CCNB1: variants seen among roughly 807,000 people sequenced by gnomAD.
CCNB1 encodes the protein cyclin B1.
In CCNB1, 26 loss-of-function variants were observed where a neutral mutation model predicts 44.4. The ratio of observed to expected loss-of-function variants is 0.59; its 90% CI spans 0.43 to 0.81. The LOEUF is 0.81. CCNB1 is among the 40% of genes least tolerant of loss of function. The probability of loss-of-function intolerance (pLI) is 0.00; values close to 1 mark genes in which losing one functional copy is unlikely to be tolerated. For missense variants in CCNB1, 477 were observed against 520.9 expected (o/e 0.92, Z 0.82); for synonymous variants, 195 against 181.4 (o/e 1.08, Z -0.60).
rs775681776 is a variant in CCNB1 at position 69,174,957 on chromosome 5, C to T, written c.786C>T (p.Tyr262=). 1.2e-6 allele frequency: 2 copies of T among 1,614,104 alleles called. No homozygotes were observed. The highest frequency in any genetic ancestry group is 2.2e-5 in the South Asian group (2 of 91,084). ...MFIASKYEEM[Y]PPEIGDFAFV... ...TTGCAAGCAAATATGAAGAAATGTA[C>T]CCTCCAGAAATTGGTGACTTTGCTT... Residue 262 remains tyrosine (Y), a synonymous_variant, in exon 6 of 9, where the codon TAC becomes TAT. Transcript: ENST00000256442.
chr5:69,171,742 T>G (rs559020070), intron 4 of CCNB1, among the ~76,000 whole-genome samples: 1 of 152,272 alleles, frequency 6.6e-6, no homozygotes, highest in East Asian at 1.9e-4. Context: ...CTCCACCACG[T>G]TTGGAATGGT....
At chr5:69,171,133 A>T (rs1011934335) in intron 3 of CCNB1, 137 bp from the exon 4 acceptor site, 5 of 612,708 alleles carry the variant, frequency 8.2e-6, no homozygotes, top group Non-Finnish European at 1.4e-5. Context: ...CTGAAAAGAT[A>T]CTTTTCCTTT....
At position 69,175,417 on chromosome 5, in the gene CCNB1, T is replaced by C; in HGVS notation, c.963T>C (p.Thr321=). The C allele has an allele frequency of 1.9e-6, 3 of 1,613,468 alleles. No homozygotes were observed. The highest frequency in any genetic ancestry group is 2.5e-6 in the Non-Finnish European group (3 of 1,179,874). Residue 321 remains threonine, a synonymous_variant, in exon 7 of 9, where the codon ACT becomes ACC. Coordinates refer to ENST00000256442, the MANE Select transcript of CCNB1 (RefSeq NM_031966.4). Reference sequence around the variant, plus strand: ...TTCAGGTTGATGTCGAGCAACATACTTTGGCCAAATACCTGATGGAACTAA... The same window carrying C: ...TTCAGGTTGATGTCGAGCAACATACCTTGGCCAAATACCTGATGGAACTAA... The part of the protein sequence containing the change: ...KIGEVDVEQH[T]LAKYLMELTM...
chr5:69,169,972 T>A (rs1485665022), intron 3 of CCNB1, among the ~76,000 whole-genome samples: 1 of 148,562 alleles, frequency 6.7e-6, no homozygotes, highest in Admixed American at 6.8e-5. Flanking sequence ...TTGTTTATTT[T>A]TTTTTTCCCA....
chr5:69,177,769 T>G lies in CCNB1; in HGVS notation c.*138T>G, dbSNP rs1747630319. The G allele has an allele frequency of 5.0e-6, 3 of 597,624 alleles. No homozygotes were observed. Among genetic ancestry groups the G allele is most frequent in the Admixed American group, 6.8e-5 (2 of 29,590 alleles). The allele number at this position is 597,624 out of a possible 1,614,324, so 37.0% of individuals were successfully genotyped here. On this transcript the variant is annotated 3_prime_UTR_variant, in exon 9 of 9. Transcript: ENST00000256442. ...TTTTATAGCTTAACTAATTTGAATG[T>G]GGTTACTTCCTACTGTAGGGTAGCG...
At chr5:69,173,920 C>A (rs1747520264) in intron 4 of CCNB1, among the ~76,000 whole-genome samples, 1 of 151,934 alleles carries the variant, frequency 6.6e-6, no homozygotes, top group Non-Finnish European at 1.5e-5. Flanking sequence ...CAGGTGTGCG[C>A]AACCATGCCC....
chr5:69,168,148 T>A (rs769258814), intron 2 of CCNB1, 25 bp from the exon 3 acceptor site: 1 of 1,612,016 alleles, frequency 6.2e-7, no homozygotes, highest in Non-Finnish European at 8.5e-7. Flanking sequence ...GCAGAAACAT[T>A]TCATTCTCTC....
chr5:69,170,598 G>A (rs1747438394), intron 3 of CCNB1, among the ~76,000 whole-genome samples: 1 of 151,558 alleles, frequency 6.6e-6, no homozygotes, highest in South Asian at 2.1e-4. Context: ...AGTCTAGAAT[G>A]TGAATTTATT....
chr5:69,176,391 C>T (rs1386749740), intron 7 of CCNB1, among the ~76,000 whole-genome samples: 1 of 151,734 alleles, frequency 6.6e-6, no homozygotes, highest in Admixed American at 6.6e-5. Flanking sequence ...GAGTCTCTCT[C>T]TGTCGCCCAG....
intron 5 of CCNB1, 124 bp downstream of exon 5, chr5:69,174,533 A>G (rs1383849303): frequency 3.4e-6 from 3 of 879,902 alleles, no homozygotes; most frequent in African/African-American, 1.8e-5. Flanking sequence ...GTGGATCACA[A>G]GGTTAGGAGA....
At chr5:69,176,144 T>TA (rs1747584876) in intron 7 of CCNB1, among the ~76,000 whole-genome samples, 1 of 151,504 alleles carries the variant, frequency 6.6e-6, no homozygotes, top group Non-Finnish European at 1.5e-5. Context: ...CACCTCCACT[T>TA]ACCAAAGTGT....
chr5:69,174,061 G>A (rs965500169), intron 4 of CCNB1, among the ~76,000 whole-genome samples, 190 bp from the exon 5 acceptor site: 8 of 152,152 alleles, frequency 5.3e-5, no homozygotes, highest in Admixed American at 3.9e-4. Context: ...GAGCCACCAC[G>A]CCAGCCTTCA....
chr5:69,171,549 G>T, intron 4 of CCNB1, 97 bp downstream of exon 4: 2 of 864,788 alleles, frequency 2.3e-6, no homozygotes, highest in Non-Finnish European at 3.5e-6. Flanking sequence ...GACGTGGGCA[G>T]CATTTCTTAA....
At chr5:69,174,503 C>A in intron 5 of CCNB1, 94 bp downstream of exon 5, 1 of 1,171,336 alleles carries the variant, frequency 8.5e-7, no homozygotes, top group Middle Eastern at 2.5e-4. Context: ...GTGGCTCATG[C>A]CTGTAATCCC....
chr5:69,176,553 G>T (rs1188692116), intron 7 of CCNB1, among the ~76,000 whole-genome samples: 7 of 130,950 alleles, frequency 5.3e-5, no homozygotes, highest in East Asian at 2.1e-4. Flanking sequence ...TTTTTTTTTA[G>T]TAGAGATGGG....
Position 69,174,385 on chromosome 5 carries a change from C to T in CCNB1, c.681C>T (p.Val227=), listed in dbSNP as rs755157272. 4 of 1,613,932 alleles carry T rather than the reference C, an allele frequency of 2.5e-6. No individual in the cohort carries two copies. The Admixed American group carries it at 6.7e-5, about 27-fold the overall frequency. ...RLLQETMYMT[V]SIIDRFMQNN... ...TGCAGGAGACCATGTACATGACTGT[C>T]TCCATTATTGATCGGTTCATGCAGG... is the stretch of plus-strand genomic sequence containing the variant. The change falls in exon 5 of 9, where the codon GTC becomes GTT. Residue 227 remains valine, a synonymous_variant. Coordinates refer to ENST00000256442, the MANE Select transcript of CCNB1 (RefSeq NM_031966.4).
At chr5:69,168,782 T>C (rs1231730476) in intron 3 of CCNB1, among the ~76,000 whole-genome samples, 1 of 152,248 alleles carries the variant, frequency 6.6e-6, no homozygotes, top group African/African-American at 2.4e-5. Context: ...TTGAATTTTT[T>C]TACTGCTGCA....
chr5:69,177,547 A>T lies in CCNB1; in HGVS notation c.1218A>T (p.Thr406=). 1.2e-6 allele frequency: 2 copies of T among 1,612,844 alleles called. No homozygotes were observed. The highest frequency in any genetic ancestry group is 1.7e-6 in the Non-Finnish European group (2 of 1,178,998). The change falls in exon 9 of 9, where the codon ACA becomes ACT. Residue 406 remains threonine, a synonymous_variant. Coordinates refer to ENST00000256442, the MANE Select transcript of CCNB1 (RefSeq NM_031966.4). ...KHMTVKNKYA[T]SKHAKISTLP... ...AGACTGTCAAGAACAAGTATGCCAC[A>T]TCGAAGCATGCTAAGATCAGCACTC...
At position 69,177,358 on chromosome 5, in the gene CCNB1, A is replaced by G. The variant is rs1561316102; in HGVS notation, c.1194+9A>G. On this transcript the variant is annotated intron_variant, in intron 8 of 8. Coordinates refer to ENST00000256442, the MANE Select transcript of CCNB1 (RefSeq NM_031966.4). ...GACTTACAAAGCACATGGTGAGTCA[A>G]TATAGTGGCATTGTAAGATGCTGAA... 2.0e-6 allele frequency: 3 copies of G among 1,523,014 alleles called. No homozygotes were observed. The highest frequency in any genetic ancestry group is 1.4e-5 in the African/African-American group (1 of 73,302). The allele number at this position is 1,523,014 out of a possible 1,614,324, so 94.3% of individuals were successfully genotyped here. A position where few individuals can be genotyped will look rare whatever the true frequency, so the allele number is the denominator to read the frequency against.
Sources: gnomAD v4.1 joint callset for allele counts (sites outside exome capture counted in the v4.1 genomes callset) on GRCh38, gnomAD v4.1.1 for gene constraint, MANE v1.5 for transcripts, NCBI Gene and HGNC (gene_info 2026-07-23, HGNC 2026-07-21) for gene names.